The following SPAG9 variants were observed in gnomAD, a reference collection of about 807,000 sequenced individuals.
SPAG9 encodes the protein C-Jun-amino-terminal kinase-interacting protein 4.
SPAG9 carries 35 observed loss-of-function variants against 166.5 expected under a neutral mutation model. The observed-to-expected ratio is 0.21, with a 90% confidence interval of 0.16 to 0.28. The LOEUF (loss-of-function observed/expected upper bound fraction) is 0.28, where lower values mean the gene tolerates loss of function less well. Among genes scored for constraint, SPAG9 ranks in the 10% least tolerant of loss-of-function variants. The probability of loss-of-function intolerance (pLI) is 1.00; values close to 1 mark genes in which losing one functional copy is unlikely to be tolerated. For synonymous variants in SPAG9, 534 were observed against 565.5 expected (o/e 0.94, Z 0.79); for missense variants, 1,235 against 1,603.3 (o/e 0.77, Z 3.92).
chr17:51,001,850 A>G lies in SPAG9; in HGVS notation c.1477-5T>C. 1 of 1,610,386 alleles carries G rather than the reference A, an allele frequency of 6.2e-7. No homozygotes were observed. Among genetic ancestry groups the G allele is most frequent in the East Asian group, 2.2e-5 (1 of 44,774 alleles). On this transcript the variant is annotated splice_polypyrimidine_tract_variant and splice_region_variant and intron_variant, in intron 12 of 29. Coordinates refer to ENST00000262013, the MANE Select transcript of SPAG9 (RefSeq NM_001130528.3). ...CTGGGCTGTGGGAATATCACTCTATAATGACAAGAAAATGACATATCATTC... is the reference window on the plus strand; with the variant it reads ...CTGGGCTGTGGGAATATCACTCTATGATGACAAGAAAATGACATATCATTC...
chr17:51,090,187 G>A (rs1161411283), intron 1 of SPAG9, among the ~76,000 whole-genome samples: 1 of 152,054 alleles, frequency 6.6e-6, no homozygotes, highest in South Asian at 2.1e-4. Context: ...AGAATAAGTT[G>A]AGAATCTCTC....
intron 1 of SPAG9, among the ~76,000 whole-genome samples, chr17:51,119,062 G>C (rs967443040): frequency 1.4e-5 from 2 of 143,682 alleles, no homozygotes; most frequent in Non-Finnish European, 3.0e-5. Flanking sequence ...AGGCAATTTT[G>C]TTTGGCAAAT....
intron 26 of SPAG9, among the ~76,000 whole-genome samples, chr17:50,979,173 A>G (rs1001489533): frequency 1.3e-5 from 2 of 151,770 alleles, no homozygotes; most frequent in African/African-American, 4.8e-5. Context: ...CAGGAGTTTA[A>G]GGCCAGCCTG....
intron 12 of SPAG9, among the ~76,000 whole-genome samples, chr17:51,002,884 G>A (rs986796452): frequency 6.6e-6 from 1 of 151,710 alleles, no homozygotes; most frequent in African/African-American, 2.4e-5. Flanking sequence ...TTTGAGACCA[G>A]CCTTGGCAAT....
Position 50,999,715 on chromosome 17 carries a change from G to A in SPAG9, c.1610C>T (p.Ala537Val). The stretch of plus-strand genomic sequence containing the variant: ...CTGCATGGCTGGATTTTCTCGTGAT[G>A]CCCTACATTCAAAAAGAAAAGAAAA... ...EAVRWTEMIR[A>V]SRENPAMQEK... The change falls in exon 14 of 30, where the codon GCA becomes GTA. Residue 537 changes from alanine to valine, a missense_variant and splice_region_variant. Physicochemically the swap from Ala to Val is moderately conservative, Grantham distance 64. Around this residue, in one of 6 missense-constraint regions of SPAG9, gnomAD observed 125 missense variants for 194.0 expected, o/e 0.64. Transcript: ENST00000262013. 1 of 1,611,504 alleles carries A rather than the reference G, an allele frequency of 6.2e-7. No homozygotes were observed. Among genetic ancestry groups the A allele is most frequent in the Non-Finnish European group, 8.5e-7 (1 of 1,178,688 alleles).
intron 25 of SPAG9, among the ~76,000 whole-genome samples, chr17:50,981,545 GA>G (rs1974634679): frequency 4.0e-5 from 6 of 151,640 alleles, no homozygotes; most frequent in African/African-American, 7.3e-5. Flanking sequence ...AAGAAAGAAA[GA>G]ATAGATAGAT....
chr17:51,037,685 A>AT, intron 5 of SPAG9, among the ~76,000 whole-genome samples: 1 of 83,492 alleles, frequency 1.2e-5, no homozygotes, highest in African/African-American at 3.9e-5. Context: ...ATATATATAT[A>AT]GTGTGTGTGT....
At chr17:51,026,697 C>T (rs1246945844) in intron 6 of SPAG9, among the ~76,000 whole-genome samples, 7 of 127,728 alleles carry the variant, frequency 5.5e-5, no homozygotes, top group Admixed American at 8.9e-5. Context: ...TTTTTTGAGA[C>T]GAAGTTTCGC....
At chr17:51,065,624 C>T (rs2047641620) in intron 2 of SPAG9, among the ~76,000 whole-genome samples, 1 of 152,214 alleles carries the variant, frequency 6.6e-6, no homozygotes, top group Non-Finnish European at 1.5e-5. Flanking sequence ...ATGGCCCCCA[C>T]TAAGGCTGTT....
intron 1 of SPAG9, among the ~76,000 whole-genome samples, chr17:51,093,689 C>T (rs1402632490): frequency 1.8e-4 from 18 of 101,828 alleles, no homozygotes; most frequent in Admixed American, 6.5e-4. Flanking sequence ...AGCAAGACTC[C>T]GTCTCAAAAA....
intron 1 of SPAG9, among the ~76,000 whole-genome samples, chr17:51,080,907 A>G (rs1214440714): frequency 7.1e-6 from 1 of 141,660 alleles, no homozygotes; most frequent in African/African-American, 2.5e-5. Context: ...AAAAAAAAAA[A>G]AAAAAGCATC....
chr17:51,064,294 C>G (rs2047600802), intron 2 of SPAG9, among the ~76,000 whole-genome samples: 2 of 152,194 alleles, frequency 1.3e-5, no homozygotes, highest in African/African-American at 4.8e-5. Flanking sequence ...ATTAAGTTAT[C>G]TACTTACCCA....
chr17:51,090,647 G>A (rs1338161341), intron 1 of SPAG9, among the ~76,000 whole-genome samples: 1 of 152,114 alleles, frequency 6.6e-6, no homozygotes, highest in South Asian at 2.1e-4. Flanking sequence ...GAAGATGAAA[G>A]GTCTTAATCA....
intron 1 of SPAG9, among the ~76,000 whole-genome samples, chr17:51,113,296 T>C (rs1163532420): frequency 1.4e-5 from 2 of 142,548 alleles, no homozygotes; most frequent in African/African-American, 5.3e-5. Context: ...GAGGTTGCAG[T>C]GAGCTGAGAT....
At chr17:51,032,515 T>C (rs1473787088) in intron 5 of SPAG9, among the ~76,000 whole-genome samples, 4 of 152,202 alleles carry the variant, frequency 2.6e-5, no homozygotes, top group Non-Finnish European at 4.4e-5. Context: ...TTTCTATCTA[T>C]ACATTTTCCC....
chr17:51,061,121 C>T (rs2047501913), intron 2 of SPAG9, among the ~76,000 whole-genome samples: 1 of 150,632 alleles, frequency 6.6e-6, no homozygotes, highest in Non-Finnish European at 1.5e-5. Flanking sequence ...GCTAGGATTA[C>T]AGGCGTAAGC....
At chr17:51,000,423 G>A (rs945755007) in intron 13 of SPAG9, among the ~76,000 whole-genome samples, 3 of 152,092 alleles carry the variant, frequency 2.0e-5, no homozygotes, top group African/African-American at 4.8e-5. Flanking sequence ...GGCTGCTAGA[G>A]TTAAAAACAG....
In SPAG9 at chr17:50,999,735, A is replaced by T. The variant is rs771816078; in HGVS notation, c.1608-18T>A. 1 of 1,609,186 alleles carries T rather than the reference A, an allele frequency of 6.2e-7. No individual in the cohort carries two copies. The highest frequency in any genetic ancestry group is 2.2e-5 in the East Asian group (1 of 44,802). ...GTGATGCCCTACATTCAAAAAGAAA[A>T]GAAAAGAAACATTTATCAGTGAGGT... is the stretch of plus-strand genomic sequence containing the variant. On this transcript the variant is annotated intron_variant, in intron 13 of 29. Transcript: ENST00000262013.
In SPAG9 at chr17:51,098,555, T is replaced by C. The variant is rs1290765094; in HGVS notation, c.304-18851A>G. ...TTGCCCAGGTTGGAGTGCAGTGGTG[T>C]GATCTCGGCTCACTGCAACGTCTGC... On this transcript the variant is annotated intron_variant, in intron 1 of 29. Coordinates refer to ENST00000262013, the MANE Select transcript of SPAG9 (RefSeq NM_001130528.3). Among the ~76,000 whole-genome samples, 6 of 151,870 alleles carry C rather than the reference T, an allele frequency of 4.0e-5. No individual in the cohort carries two copies. In the South Asian group the frequency reaches 6.3e-4, roughly 16 times the overall value.
Sources: gnomAD v4.1 joint callset for allele counts (sites outside exome capture counted in the v4.1 genomes callset) on GRCh38, gnomAD v4.1.1 for gene constraint, gnomAD v4.1.1 regional missense constraint, MANE v1.5 for transcripts, NCBI Gene and HGNC (gene_info 2026-07-23, HGNC 2026-07-21) for gene names.